PPHLN1: variants seen among roughly 807,000 people sequenced by gnomAD.
The protein encoded by PPHLN1 is periphilin-1.
PPHLN1 carries 29 observed loss-of-function variants against 51.3 expected under a neutral mutation model. The observed-to-expected ratio is 0.57, with a 90% CI of 0.42 to 0.77. The LOEUF (loss-of-function observed/expected upper bound fraction) is 0.77, where lower values mean the gene tolerates loss of function less well. Among genes scored for constraint, PPHLN1 ranks in the 30% least tolerant of loss-of-function variants. The pLI, the probability that PPHLN1 is intolerant of heterozygous loss-of-function variation, is 0.00. For missense variants in PPHLN1, 436 were observed against 438.4 expected, an observed-to-expected ratio of 0.99 and a Z score of 0.05; for synonymous variants, 147 against 147.8, an observed-to-expected ratio of 0.99 and a Z score of 0.04.
rs569778287 is a variant in PPHLN1 at position 42,388,570 on chromosome 12, G to T, written c.648+1035G>T. On this transcript the variant is annotated intron_variant, in intron 7 of 9. Transcript: ENST00000358314. ...AACTCAGAGACCGGTGCTGGTGCAGGTCCTTATTATGGTGAGCGTCGGTCC... is the reference window on the plus strand; with the variant it reads ...AACTCAGAGACCGGTGCTGGTGCAGTTCCTTATTATGGTGAGCGTCGGTCC... 3.3e-5 allele frequency among the ~76,000 whole-genome samples: 5 copies of T among 152,202 alleles called. No homozygotes were observed. The East Asian group carries it at 9.7e-4, about 29-fold the overall frequency.
intron 9 of PPHLN1, 65 bp downstream of exon 9, chr12:42,399,059 T>C: frequency 6.4e-7 from 1 of 1,563,502 alleles, no homozygotes; most frequent in Non-Finnish European, 8.7e-7. Context: ...TGTAAACATT[T>C]ATTGAATAAA....
At chr12:42,403,334 T>C (rs958278501) in intron 9 of PPHLN1, among the ~76,000 whole-genome samples, 6 of 152,218 alleles carry the variant, frequency 3.9e-5, no homozygotes, top group Non-Finnish European at 4.4e-5. Context: ...TCACATAAGA[T>C]GTACCTCTGA....
chr12:42,326,572 A>T (rs1191610966), intron 1 of PPHLN1, among the ~76,000 whole-genome samples: 2 of 152,184 alleles, frequency 1.3e-5, no homozygotes, highest in African/African-American at 4.8e-5. Context: ...ACTACAAAAT[A>T]AACAGACCTT....
At chr12:42,368,452 A>G (rs1565847496) in intron 4 of PPHLN1, among the ~76,000 whole-genome samples, 2 of 152,220 alleles carry the variant, frequency 1.3e-5, no homozygotes, top group East Asian at 1.9e-4. Context: ...TGAAATTGTA[A>G]TATAGATACC....
At chr12:42,384,042 C>T (rs1397107293) in intron 5 of PPHLN1, among the ~76,000 whole-genome samples, 1 of 137,096 alleles carries the variant, frequency 7.3e-6, no homozygotes, top group African/African-American at 2.7e-5. Context: ...TGACAGTGTA[C>T]CTCACATAAA....
intron 9 of PPHLN1, among the ~76,000 whole-genome samples, chr12:42,421,833 C>T (rs1313058674): frequency 1.3e-5 from 2 of 151,010 alleles, no homozygotes; most frequent in African/African-American, 2.4e-5. Flanking sequence ...GCCAGAGGAG[C>T]AGTATACTGG....
intron 9 of PPHLN1, among the ~76,000 whole-genome samples, chr12:42,400,867 C>T (rs918351342): frequency 9.9e-5 from 15 of 151,266 alleles, no homozygotes; most frequent in Middle Eastern, 3.4e-3. Context: ...GTATGCTGTT[C>T]GGTATTCTTA....
intron 6 of PPHLN1, among the ~76,000 whole-genome samples, chr12:42,386,496 C>T (rs918843366): frequency 3.3e-5 from 5 of 152,150 alleles, no homozygotes; most frequent in African/African-American, 1.2e-4. Context: ...GCTGGCTTTG[C>T]CTCAGTTTCA....
At chr12:42,356,862 A>T (rs1278516497) in intron 4 of PPHLN1, among the ~76,000 whole-genome samples, 1 of 152,246 alleles carries the variant, frequency 6.6e-6, no homozygotes, top group East Asian at 1.9e-4. Flanking sequence ...CGAAAAATAA[A>T]TAAGTTGTAG....
chr12:42,350,423 C>G (rs1340802479), intron 2 of PPHLN1, among the ~76,000 whole-genome samples: 6 of 151,158 alleles, frequency 4.0e-5, no homozygotes, highest in Admixed American at 2.0e-4. Flanking sequence ...CGGGCAGAGA[C>G]GCTTCTCACT....
In PPHLN1 at chr12:42,426,172, C is replaced by CCACACACACACACACA. The variant is rs71084653; in HGVS notation, c.910-15101_910-15086dup. On this transcript the variant is annotated intron_variant, in intron 9 of 9. Coordinates refer to ENST00000358314, the MANE Select transcript of PPHLN1 (RefSeq NM_201439.2). ...TTAAAGTACAGTATTAGACTTGACACCACACACACACACACACACACACAC... is the reference window on the plus strand; with the variant it reads ...TTAAAGTACAGTATTAGACTTGACACCACACACACACACACACACACACACACACACACACACACAC... 1.5e-3 allele frequency among the ~76,000 whole-genome samples: 181 copies of CCACACACACACACACA among 122,176 alleles called. 3 individuals are homozygous for CCACACACACACACACA. The highest frequency in any genetic ancestry group is 5.0e-3 in the East Asian group (20 of 3,976). 80.2% of individuals were successfully genotyped at this position (122,176 alleles called of 152,430 possible).
chr12:42,406,332 A>G (rs1192846763), intron 9 of PPHLN1, among the ~76,000 whole-genome samples: 3 of 152,108 alleles, frequency 2.0e-5, no homozygotes, highest in Non-Finnish European at 4.4e-5. Flanking sequence ...CGCCTGCCTC[A>G]GCCTCCCAAA....
chr12:42,373,208 T>C lies in PPHLN1; in HGVS notation c.300-1655T>C, dbSNP rs1431026093. The stretch of plus-strand genomic sequence containing the variant: ...CATTGGGTCCCAGCACCTCACACAA[T>C]TTCTAAAACCTGTTTATTTAATACC... On this transcript the variant is annotated intron_variant, in intron 4 of 9. Coordinates refer to ENST00000358314, the MANE Select transcript of PPHLN1 (RefSeq NM_201439.2). 2.6e-5 allele frequency among the ~76,000 whole-genome samples: 4 copies of C among 152,208 alleles called. No homozygotes were observed. In the East Asian group the frequency reaches 5.8e-4, roughly 22 times the overall value.
At chr12:42,349,256 A>G (rs2072836601) in intron 2 of PPHLN1, among the ~76,000 whole-genome samples, 1 of 152,228 alleles carries the variant, frequency 6.6e-6, no homozygotes, top group African/African-American at 2.4e-5. Flanking sequence ...GTGCCTGAAC[A>G]CGGTACTAAA....
At chr12:42,403,556 T>C (rs1305378934) in intron 9 of PPHLN1, among the ~76,000 whole-genome samples, 2 of 152,222 alleles carry the variant, frequency 1.3e-5, no homozygotes, top group African/African-American at 4.8e-5. Context: ...CTCTTAAAGG[T>C]AATTTAGTTA....
intron 5 of PPHLN1, among the ~76,000 whole-genome samples, chr12:42,378,090 CTCTTTCTTTCTTTCTTTCTT>C (rs57255344): frequency 0.037 from 5,262 of 140,892 alleles, 120 homozygotes; most frequent in East Asian, 0.085. Context: ...ATCTATCTTT[CTCTTTCTTTCTTTCTTTCTT>C]TCTTTCTTTC....
intron 2 of PPHLN1, among the ~76,000 whole-genome samples, chr12:42,339,370 AT>A (rs796821899): frequency 5.5e-5 from 8 of 146,422 alleles, no homozygotes; most frequent in Non-Finnish European, 1.1e-4. Flanking sequence ...ACTCAGGTGC[AT>A]TTTTTTTTTC....
chr12:42,387,524 T>C lies in PPHLN1; in HGVS notation c.637T>C (p.Ser213Pro), dbSNP rs773500450. The change falls in exon 7 of 10, where the codon TCT becomes CCT. Residue 213 changes from serine to proline, a missense_variant. By Grantham distance (74) the Ser-to-Pro change is moderately conservative. Transcript: ENST00000358314. Reference protein sequence around the residue: ...DTSPSSGSAVSSSKVLDKPSR... With the variant: ...DTSPSSGSAVPSSKVLDKPSR... ...TTCACCCTCAAGTGGTTCAGCAGTT[T>C]CTTCATCAAAGGTTTGTTATATTTC... The C allele has an allele frequency of 6.2e-7, 1 of 1,612,854 alleles. No homozygotes were observed. The highest frequency in any genetic ancestry group is 1.7e-5 in the Admixed American group (1 of 59,858).
rs775929742 is a variant in PPHLN1 at position 42,335,842 on chromosome 12, C to A, written c.-20-41C>A. 6.0e-6 allele frequency: 7 copies of A among 1,175,402 alleles called. No individual in the cohort carries two copies. The South Asian group carries it at 7.8e-5, about 13-fold the overall frequency. 72.8% of individuals were successfully genotyped at this position (1,175,402 alleles called of 1,614,324 possible). On this transcript the variant is annotated intron_variant, in intron 1 of 9. Coordinates refer to ENST00000358314, the MANE Select transcript of PPHLN1 (RefSeq NM_201439.2). ...TACTCCTTCCTTACCTTTTCTGTTA[C>A]TTCCTAGTATAAAATCCATAATTCT...
Sources: allele counts gnomAD v4.1 joint callset (sites outside exome capture counted in the v4.1 genomes callset), GRCh38; gene constraint gnomAD v4.1.1; transcripts MANE v1.5; gene names NCBI Gene and HGNC (gene_info 2026-07-23, HGNC 2026-07-21).